KDM2B: variants seen among roughly 807,000 people sequenced by gnomAD.
KDM2B encodes lysine demethylase 2B.
KDM2B carries 26 observed loss-of-function variants against 150.0 expected under a neutral mutation model. That is an observed-to-expected ratio of 0.17 (90% CI 0.13 to 0.24). The LOEUF (loss-of-function observed/expected upper bound fraction) is 0.24, where lower values mean the gene tolerates loss of function less well. KDM2B is among the 10% of genes least tolerant of loss of function. The probability of loss-of-function intolerance (pLI) is 1.00; values close to 1 mark genes in which losing one functional copy is unlikely to be tolerated. For synonymous variants in KDM2B, 734 were observed against 729.5 expected (o/e 1.01, Z -0.10); for missense variants, 1,265 against 1,816.9 (o/e 0.70, Z 5.52).
Position 121,452,918 on chromosome 12 carries a change from A to G in KDM2B, c.1959+202T>C, listed in dbSNP as rs1877548164. Among the ~76,000 whole-genome samples, 1 of 152,132 alleles carries G rather than the reference A, an allele frequency of 6.6e-6. No homozygotes were observed. Among genetic ancestry groups the G allele is most frequent in the South Asian group, 2.1e-4 (1 of 4,830 alleles). On this transcript the variant is annotated intron_variant, in intron 13 of 22. Transcript: ENST00000377071. The surrounding 1 kb of genome is among the most constrained non-coding windows in gnomAD (Gnocchi z 4.4). ...AATGGCAGCAACTTCAAAGTACCTG[A>G]GCACCCTGGGAGGGAAGGAGCAGGA... is the stretch of plus-strand genomic sequence containing the variant.
chr12:121,522,970 A>G (rs782198743), intron 8 of KDM2B, among the ~76,000 whole-genome samples: 4 of 152,230 alleles, frequency 2.6e-5, no homozygotes, highest in African/African-American at 9.6e-5. Flanking sequence ...ATTCACTGGG[A>G]CACACAGCTA....
rs1887561749 is a variant in KDM2B, at chr12:121,530,354, A to G, written c.931+2452T>C. On this transcript the variant is annotated intron_variant, in intron 8 of 22. Coordinates refer to ENST00000377071, the MANE Select transcript of KDM2B (RefSeq NM_032590.5). Reference sequence around the variant, plus strand: ...AGTTAAAGTACTATCCTTTATTCTGACATTTTATACTTGTAACTTTTTTAG... The same window carrying G: ...AGTTAAAGTACTATCCTTTATTCTGGCATTTTATACTTGTAACTTTTTTAG... Among the ~76,000 whole-genome samples, 3 of 152,250 alleles carry G rather than the reference A, an allele frequency of 2.0e-5. No homozygotes were observed. The East Asian group carries it at 5.8e-4, about 29-fold the overall frequency.
chr12:121,512,606 C>G (rs1885685204), intron 10 of KDM2B, among the ~76,000 whole-genome samples: 1 of 152,096 alleles, frequency 6.6e-6, no homozygotes, highest in African/African-American at 2.4e-5. Context: ...TCAGACGCAG[C>G]CGAGAGGAAT....
intron 9 of KDM2B, chr12:121,516,991 C>T (rs1461242167): frequency 2.0e-5 from 12 of 588,026 alleles, no homozygotes; most frequent in African/African-American, 1.5e-4. Flanking sequence ...TGGGGCATGT[C>T]GGCATTACCT....
chr12:121,579,015 C>A (rs1284655471), intron 1 of KDM2B, 69 bp from the exon 2 acceptor site: 3 of 1,532,054 alleles, frequency 2.0e-6, no homozygotes, highest in Non-Finnish European at 2.7e-6. Flanking sequence ...TCAACCTGGG[C>A]CCAGCACTAA....
intron 12 of KDM2B, among the ~76,000 whole-genome samples, chr12:121,460,556 A>G (rs1555293603): frequency 6.6e-6 from 1 of 152,114 alleles, no homozygotes; most frequent in Non-Finnish European, 1.5e-5. Flanking sequence ...GTGCCACCAC[A>G]CCAGCTAATT....
chr12:121,442,937 CG>C lies in KDM2B; in HGVS notation c.2604+54del. The C allele has an allele frequency of 6.2e-7, 1 of 1,602,026 alleles. No individual in the cohort carries two copies. The highest frequency in any genetic ancestry group is 8.5e-7 in the Non-Finnish European group (1 of 1,174,032). The stretch of plus-strand genomic sequence containing the variant: ...CACGGGACTGTGGCCCAGGGAGCTG[CG>C]GTGCAGCTCTAACCGCTCAGGCCTG... On this transcript the variant is annotated intron_variant, in intron 18 of 22. Transcript: ENST00000377071. The surrounding 1 kb of genome is among the most constrained non-coding windows in gnomAD (Gnocchi z 7.7).
intron 17 of KDM2B, chr12:121,443,474 C>G: frequency 1.7e-6 from 1 of 599,150 alleles, no homozygotes; most frequent in Non-Finnish European, 3.0e-6. Flanking sequence ...CCTGGACTCA[C>G]AGCTTCCATC....
chr12:121,444,389 CGGCCA>C, intron 15 of KDM2B, 56 bp downstream of exon 15: 1 of 1,607,090 alleles, frequency 6.2e-7, no homozygotes, highest in South Asian at 1.1e-5. Context: ...AGGCTGGTCC[CGGCCA>C]GGCCCAGGCC....
At chr12:121,499,421 A>G (rs1555301529) in intron 11 of KDM2B, among the ~76,000 whole-genome samples, 1 of 151,060 alleles carries the variant, frequency 6.6e-6, no homozygotes, top group African/African-American at 2.4e-5. Context: ...ACACCCGGCC[A>G]ATAATTTTTT....
chr12:121,573,675 C>T (rs1891290841), intron 4 of KDM2B, among the ~76,000 whole-genome samples: 1 of 151,918 alleles, frequency 6.6e-6, no homozygotes, highest in Non-Finnish European at 1.5e-5. Context: ...AGCTCCGCCG[C>T]CTCCCAGGTT....
rs376158597 is a variant in KDM2B, at chr12:121,439,827, A to G, written c.3829+30T>C. 1.1e-4 allele frequency: 170 copies of G among 1,540,800 alleles called. 1 individual carries two copies. In the African/African-American group the frequency reaches 2.0e-3, roughly 18 times the overall value. ...CCTCCTGGTTCTCCCACGGAGTGTT[A>G]GGCAGACCCGATGGGGGCCCCTGAC... is the stretch of plus-strand genomic sequence containing the variant. On this transcript the variant is annotated intron_variant, in intron 22 of 22. Coordinates refer to ENST00000377071, the MANE Select transcript of KDM2B (RefSeq NM_032590.5).
At chr12:121,414,781 TC>T in the KDM2B span, among the ~76,000 whole-genome samples, 3 of 150,768 alleles carry the variant, frequency 2.0e-5, no homozygotes, top group African/African-American at 7.3e-5. Context: ...CAAGCAATTC[TC>T]GTGCCTTTGG....
rs551176321 is a variant in KDM2B at position 121,484,146 on chromosome 12, C to T, written c.1734+10433G>A. Among the ~76,000 whole-genome samples, 4 of 152,294 alleles carry T rather than the reference C, an allele frequency of 2.6e-5. No individual in the cohort carries two copies. The East Asian group carries it at 7.7e-4, about 29-fold the overall frequency. On this transcript the variant is annotated intron_variant, in intron 12 of 22. Transcript: ENST00000377071. Reference sequence around the variant, plus strand: ...CCCACCTTCCCCTCTCCTGCAGGTGCTTCCCACAGGCTGAGCCCAACCAGA... The same window carrying T: ...CCCACCTTCCCCTCTCCTGCAGGTGTTTCCCACAGGCTGAGCCCAACCAGA...
At chr12:121,419,595 T>C in the KDM2B span, among the ~76,000 whole-genome samples, 3 of 152,062 alleles carry the variant, frequency 2.0e-5, no homozygotes, top group Admixed American at 6.5e-5. Flanking sequence ...ATATTTGAAA[T>C]TGGGAACCGA....
At chr12:121,413,865 G>A in the KDM2B span, among the ~76,000 whole-genome samples, 1 of 152,030 alleles carries the variant, frequency 6.6e-6, no homozygotes, top group Non-Finnish European at 1.5e-5. Context: ...GTGAGCCACC[G>A]CGCCCGGCTT....
At chr12:121,427,705 A>G (rs548500277), downstream of KDM2B, among the ~76,000 whole-genome samples, 1 of 141,960 alleles carries the variant, frequency 7.0e-6, no homozygotes, top group South Asian at 2.2e-4. Flanking sequence ...TTGCACATCC[A>G]TGTGGTGGCT....
Position 121,443,807 on chromosome 12 carries a change from G to T in KDM2B, c.2452-14C>A. On this transcript the variant is annotated splice_polypyrimidine_tract_variant and intron_variant, in intron 16 of 22. Coordinates refer to ENST00000377071, the MANE Select transcript of KDM2B (RefSeq NM_032590.5). Reference sequence around the variant, plus strand: ...AAGCGATGAGGCCTAAAGGGGGGTGGAGTGGGAAGAGGAGTGACTCGCTGG... The same window carrying T: ...AAGCGATGAGGCCTAAAGGGGGGTGTAGTGGGAAGAGGAGTGACTCGCTGG... 6.6e-7 allele frequency: 1 copy of T among 1,509,650 alleles called. No individual in the cohort carries two copies. The highest frequency in any genetic ancestry group is 9.1e-7 in the Non-Finnish European group (1 of 1,103,076). 93.5% of individuals were successfully genotyped at this position (1,509,650 alleles called of 1,614,324 possible). A position where few individuals can be genotyped will look rare whatever the true frequency, so the allele number is the denominator to read the frequency against.
At chr12:121,457,411 G>C (rs1008266762) in intron 12 of KDM2B, among the ~76,000 whole-genome samples, 1 of 151,876 alleles carries the variant, frequency 6.6e-6, no homozygotes. Context: ...ACAGGTGTGC[G>C]CCACCAAGCC....
Sources: allele counts gnomAD v4.1 joint callset (sites outside exome capture counted in the v4.1 genomes callset), GRCh38; gene constraint gnomAD v4.1.1; non-coding constraint Gnocchi (gnomAD v3.1); transcripts MANE v1.5; gene names NCBI Gene and HGNC (gene_info 2026-07-23, HGNC 2026-07-21).